The following SNX29 variants were observed in gnomAD, a reference collection of about 807,000 sequenced individuals.
SNX29 encodes sorting nexin 29.
Under a neutral mutation model 102.1 loss-of-function variants are expected in SNX29, and 78 were observed. The observed-to-expected ratio is 0.76, with a 90% confidence interval of 0.64 to 0.92. The LOEUF (loss-of-function observed/expected upper bound fraction) is 0.92. SNX29 is among the 40% of genes least tolerant of loss of function. The probability of loss-of-function intolerance (pLI) is 0.00; values close to 1 mark genes in which losing one functional copy is unlikely to be tolerated. For synonymous variants in SNX29, 580 were observed against 414.5 expected (o/e 1.40, Z -4.85); for missense variants, 1,280 against 1,061.7 (o/e 1.21, Z -2.86).
intron 5 of SNX29, among the ~76,000 whole-genome samples, chr16:12,045,529 T>G (rs2151191536): frequency 1.3e-5 from 2 of 152,114 alleles, no homozygotes; most frequent in South Asian, 4.2e-4. Flanking sequence ...AACTGCCATC[T>G]ATATTTGTGG....
intron 18 of SNX29, among the ~76,000 whole-genome samples, chr16:12,428,331 C>T (rs930877161): frequency 4.6e-5 from 7 of 152,288 alleles, no homozygotes; most frequent in South Asian, 4.1e-4. Context: ...AAACAGAACT[C>T]AGGGTGGTGT....
chr16:12,461,983 ATATAT>A (rs1318429046), intron 18 of SNX29, among the ~76,000 whole-genome samples: 3 of 49,542 alleles, frequency 6.1e-5, no homozygotes, highest in African/African-American at 1.4e-4. Context: ...AAAAAAATAT[ATATAT>A]ATATATATAT....
chr16:12,140,955 C>CT (rs2054846399), intron 13 of SNX29, among the ~76,000 whole-genome samples: 1 of 152,244 alleles, frequency 6.6e-6, no homozygotes, highest in South Asian at 2.1e-4. Context: ...GTATAACACT[C>CT]TAATATGAAA....
At chr16:12,516,476 T>G (rs2089869723) in intron 19 of SNX29, among the ~76,000 whole-genome samples, 1 of 99,262 alleles carries the variant, frequency 1.0e-5, no homozygotes, top group South Asian at 3.2e-4. Context: ...AGATATCCCG[T>G]CTCAGAAAAA....
rs958754629 is a variant in SNX29 at position 12,537,394 on chromosome 16, C to T, written c.2318+12553C>T. On this transcript the variant is annotated intron_variant, in intron 20 of 20. Transcript: ENST00000566228. ...ATGACAGAAAGAGCAAGACTTTGAG[C>T]CAAACAGACCTGGGCTCAAATTCCA... 4.9e-4 allele frequency among the ~76,000 whole-genome samples: 74 copies of T among 152,336 alleles called. 1 individual carries two copies. The highest frequency in any genetic ancestry group is 1.7e-3 in the African/African-American group (70 of 41,568).
chr16:12,454,442 G>A (rs1253571684), intron 18 of SNX29, among the ~76,000 whole-genome samples: 1 of 152,178 alleles, frequency 6.6e-6, no homozygotes, highest in African/African-American at 2.4e-5. Flanking sequence ...TTGAGTAGAG[G>A]CTGAGAGAAC....
At chr16:12,223,644 A>C (rs1229552885) in intron 14 of SNX29, among the ~76,000 whole-genome samples, 2 of 152,224 alleles carry the variant, frequency 1.3e-5, no homozygotes, top group Non-Finnish European at 2.9e-5. Flanking sequence ...AGCCTGGGTG[A>C]CAAGAGAAGA....
intron 10 of SNX29, among the ~76,000 whole-genome samples, chr16:12,076,729 G>A (rs1408048684): frequency 6.6e-6 from 1 of 152,146 alleles, no homozygotes; most frequent in Non-Finnish European, 1.5e-5. Flanking sequence ...TTCTTCTTCT[G>A]TCTCTCCTCT....
At chr16:12,493,927 C>T (rs112892646) in intron 19 of SNX29, among the ~76,000 whole-genome samples, 15 of 152,248 alleles carry the variant, frequency 9.9e-5, no homozygotes, top group Non-Finnish European at 1.5e-4. Flanking sequence ...TCCCAGTTAC[C>T]GATAAGACTG....
chr16:12,529,608 A>T (rs1015315091), intron 20 of SNX29, among the ~76,000 whole-genome samples: 10 of 152,168 alleles, frequency 6.6e-5, no homozygotes, highest in African/African-American at 2.4e-4. Flanking sequence ...GTGGCAGAGT[A>T]ATGTAGGTCA....
At chr16:12,537,540 C>A (rs150920376) in intron 20 of SNX29, among the ~76,000 whole-genome samples, 5 of 152,174 alleles carry the variant, frequency 3.3e-5, no homozygotes, top group African/African-American at 1.2e-4. Context: ...ATATTACCTA[C>A]TATGGAGCTT....
chr16:12,344,253 C>T (rs567411039), intron 15 of SNX29, among the ~76,000 whole-genome samples: 2 of 152,168 alleles, frequency 1.3e-5, no homozygotes, highest in Non-Finnish European at 2.9e-5. Flanking sequence ...CTAATACAAC[C>T]TCACAAAGGG....
chr16:12,021,391 A>C (rs1017594407), intron 3 of SNX29, among the ~76,000 whole-genome samples: 7 of 151,798 alleles, frequency 4.6e-5, no homozygotes, highest in Admixed American at 1.3e-4. Context: ...GCGCCACTGC[A>C]CTCCATTTTG....
intron 18 of SNX29, among the ~76,000 whole-genome samples, chr16:12,469,716 A>G (rs2087243252): frequency 6.6e-6 from 1 of 152,168 alleles, no homozygotes; most frequent in Non-Finnish European, 1.5e-5. Flanking sequence ...GGCATACAAA[A>G]CTGCAGGGCT....
intron 20 of SNX29, among the ~76,000 whole-genome samples, chr16:12,545,114 C>T (rs1032619209): frequency 6.6e-6 from 1 of 152,176 alleles, no homozygotes; most frequent in African/African-American, 2.4e-5. Flanking sequence ...GTAGCCAGCT[C>T]TGTGAGGCCC....
At chr16:12,357,340 AC>A (rs1209813609) in intron 16 of SNX29, among the ~76,000 whole-genome samples, 1 of 152,020 alleles carries the variant, frequency 6.6e-6, no homozygotes, top group Non-Finnish European at 1.5e-5. Flanking sequence ...CTCTAAAAAT[AC>A]AAAAAAAAAT....
chr16:12,393,335 C>T (rs2083596939), intron 16 of SNX29, among the ~76,000 whole-genome samples: 1 of 147,994 alleles, frequency 6.8e-6, no homozygotes. Context: ...ACAAAGCAAT[C>T]TAAAAATCTG....
chr16:12,530,991 CTG>C (rs1460506164), intron 20 of SNX29, among the ~76,000 whole-genome samples: 58 of 152,220 alleles, frequency 3.8e-4, no homozygotes, highest in African/African-American at 1.4e-3. Context: ...CTCCCCCAGA[CTG>C]TAGTCTGGAA....
In SNX29 at chr16:12,282,170, C is replaced by T. The variant is rs1004461586; in HGVS notation, c.1782+4134C>T. Among the ~76,000 whole-genome samples, 11 of 151,760 alleles carry T rather than the reference C, an allele frequency of 7.2e-5. No individual in the cohort carries two copies. The South Asian group carries it at 8.3e-4, about 12-fold the overall frequency. On this transcript the variant is annotated intron_variant, in intron 15 of 20. Transcript: ENST00000566228. The stretch of plus-strand genomic sequence containing the variant: ...AGAGTGCAAACCCACAACTCTCTGC[C>T]GTGCTTTGGAAGGCTGAGCTCATTG...
Sources: allele counts gnomAD v4.1 joint callset (sites outside exome capture counted in the v4.1 genomes callset), GRCh38; gene constraint gnomAD v4.1.1; transcripts MANE v1.5; gene names NCBI Gene and HGNC (gene_info 2026-07-23, HGNC 2026-07-21).